Variants in GRIN3A observed in about 807,000 individuals in gnomAD.
GRIN3A encodes glutamate receptor ionotropic, NMDA 3A.
GRIN3A carries 47 observed loss-of-function variants against 92.4 expected under a neutral mutation model. That is an observed-to-expected ratio of 0.51 (90% CI 0.40 to 0.65). The LOEUF (loss-of-function observed/expected upper bound fraction) is 0.65, where lower values mean the gene tolerates loss of function less well. Among genes scored for constraint, GRIN3A ranks in the 30% least tolerant of loss-of-function variants. The probability of loss-of-function intolerance (pLI) is 0.00; values close to 1 mark genes in which losing one functional copy is unlikely to be tolerated. For synonymous variants in GRIN3A, 527 were observed against 540.6 expected, an observed-to-expected ratio of 0.97 and a Z score of 0.35; for missense variants, 1,324 against 1,393.1, an observed-to-expected ratio of 0.95 and a Z score of 0.79.
In GRIN3A at chr9:101,737,418, C is replaced by T. The variant is rs755707019; in HGVS notation, c.562G>A (p.Val188Met). 2 of 1,614,272 alleles carry T rather than the reference C, an allele frequency of 1.2e-6. No individual in the cohort carries two copies. The highest frequency in any genetic ancestry group is 1.6e-4 in the Middle Eastern group (1 of 6,062). Reference sequence around the variant, plus strand: ...AGCGCCGACACCCCTTGCACCACCACGGTATGGCACACACTTTGCAGGAAG... The same window carrying T: ...AGCGCCGACACCCCTTGCACCACCATGGTATGGCACACACTTTGCAGGAAG... ...FSFLQSVCHT[V>M]VVQGVSALLA... The change falls in exon 1 of 9, where the codon GTG becomes ATG. Residue 188 changes from valine (V) to methionine (M), a missense_variant. Val to Met is a conservative substitution (Grantham distance 21). Transcript: ENST00000361820.
At chr9:101,638,570 A>C (rs1170884670) in intron 3 of GRIN3A, among the ~76,000 whole-genome samples, 1 of 152,234 alleles carries the variant, frequency 6.6e-6, no homozygotes, top group Non-Finnish European at 1.5e-5. Context: ...TGCCAACACT[A>C]TTGGTGTTTC....
intron 2 of GRIN3A, among the ~76,000 whole-genome samples, chr9:101,682,958 G>T (rs1196867465): frequency 1.3e-5 from 2 of 152,172 alleles, no homozygotes; most frequent in Non-Finnish European, 2.9e-5. Context: ...CTCCAGCCTG[G>T]GCGACAGAGA....
At chr9:101,600,256 G>C (rs1828194191) in intron 6 of GRIN3A, among the ~76,000 whole-genome samples, 1 of 152,086 alleles carries the variant, frequency 6.6e-6, no homozygotes, top group Non-Finnish European at 1.5e-5. Context: ...CCTACTTTAG[G>C]CTTGCTTAAA....
At chr9:101,671,810 T>C (rs912079849) in intron 2 of GRIN3A, among the ~76,000 whole-genome samples, 2 of 152,058 alleles carry the variant, frequency 1.3e-5, no homozygotes, top group Non-Finnish European at 2.9e-5. Flanking sequence ...CTCCAAGTCA[T>C]TAGAGAGAAA....
chr9:101,701,575 G>A (rs11791232), intron 1 of GRIN3A, among the ~76,000 whole-genome samples: 21,013 of 151,928 alleles, frequency 0.14, 1,638 homozygotes, highest in Admixed American at 0.19. Context: ...AAAACCCTAG[G>A]AAAACAAACA....
intron 3 of GRIN3A, among the ~76,000 whole-genome samples, chr9:101,648,942 T>C (rs188209045): frequency 2.9e-4 from 44 of 152,140 alleles, no homozygotes; most frequent in Middle Eastern, 3.4e-3. Flanking sequence ...TAGTGAGCAC[T>C]GGAACTAAAA....
Position 101,619,330 on chromosome 9 carries a change from C to T in GRIN3A, c.2614+3988G>A, listed in dbSNP as rs543898499. On this transcript the variant is annotated intron_variant, in intron 5 of 8. Coordinates refer to ENST00000361820, the MANE Select transcript of GRIN3A (RefSeq NM_133445.3). ...TATAAAGGTACTATAAAATGGGTTT[C>T]CCTTAGCCTCAGCATATCAAAGTGG... 2.6e-5 allele frequency among the ~76,000 whole-genome samples: 4 copies of T among 152,184 alleles called. 1 individual carries two copies. In the South Asian group the frequency reaches 8.3e-4, roughly 32 times the overall value.
At chr9:101,628,431 T>C in intron 3 of GRIN3A, 30 bp from the exon 4 acceptor site, 1 of 1,601,196 alleles carries the variant, frequency 6.2e-7, no homozygotes, top group Non-Finnish European at 8.6e-7. Context: ...ATGGCTTAAA[T>C]AAAAATTATT....
chr9:101,620,790 C>T (rs1828541932), intron 5 of GRIN3A, among the ~76,000 whole-genome samples: 1 of 151,922 alleles, frequency 6.6e-6, no homozygotes, highest in Non-Finnish European at 1.5e-5. Context: ...TTTTTTATAC[C>T]TATACAGTCT....
At chr9:101,610,498 T>C (rs1438621910) in intron 6 of GRIN3A, among the ~76,000 whole-genome samples, 2 of 152,206 alleles carry the variant, frequency 1.3e-5, no homozygotes, top group Non-Finnish European at 2.9e-5. Context: ...CAACCCATCC[T>C]ATGTTTCTTT....
Position 101,723,341 on chromosome 9 carries a change from G to A in GRIN3A, c.699+13940C>T, listed in dbSNP as rs538359586. Among the ~76,000 whole-genome samples the A allele has an allele frequency of 2.5e-4, 38 of 151,916 alleles. No individual in the cohort carries two copies. In the South Asian group the frequency reaches 7.8e-3, roughly 31 times the overall value. ...TCGCGGTGAGTGTTACAGCTCTTAA[G>A]GCAGCGCGTCTGGAGTTGTTCGTTC... On this transcript the variant is annotated intron_variant, in intron 1 of 8. Transcript: ENST00000361820.
chr9:101,697,687 C>T (rs566219074), intron 1 of GRIN3A, among the ~76,000 whole-genome samples: 43 of 152,268 alleles, frequency 2.8e-4, no homozygotes, highest in Non-Finnish European at 4.7e-4. Context: ...CCAATTAGTG[C>T]ACTTATGACT....
Position 101,670,519 on chromosome 9 carries a change from G to A in GRIN3A, c.1893C>T (p.Ser631=). ...GGCTCCGTGCAGTATTGATGCTAAA[G>A]GAAGTGACTGCCATGTGGGCAGTCC... ...LRGTAHMAVT[S]FSINTARSQV... Residue 631 remains serine (S), a synonymous_variant, in exon 3 of 9, where the codon TCC becomes TCT. Coordinates refer to ENST00000361820, the MANE Select transcript of GRIN3A (RefSeq NM_133445.3). 6.2e-7 allele frequency: 1 copy of A among 1,614,014 alleles called. No homozygotes were observed. Among genetic ancestry groups the A allele is most frequent in the South Asian group, 1.1e-5 (1 of 91,074 alleles).
At chr9:101,577,917 G>A (rs1827846397) in intron 7 of GRIN3A, 73 bp from the exon 8 acceptor site, 1 of 1,062,918 alleles carries the variant, frequency 9.4e-7, no homozygotes, top group Non-Finnish European at 1.5e-6. Context: ...AACCACTTGA[G>A]ATGTAACAGT....
intron 5 of GRIN3A, among the ~76,000 whole-genome samples, chr9:101,621,793 C>G (rs1463915115): frequency 2.6e-5 from 4 of 152,250 alleles, no homozygotes; most frequent in African/African-American, 9.6e-5. Context: ...GAAAATGGAG[C>G]CCCTCATTCT....
intron 2 of GRIN3A, among the ~76,000 whole-genome samples, chr9:101,675,668 T>G (rs1049647010): frequency 4.8e-5 from 4 of 83,956 alleles, no homozygotes; most frequent in African/African-American, 1.6e-4. Context: ...ATAGGAGGGG[T>G]TTTTTTTTTG....
chr9:101,648,489 G>A (rs535285124), intron 3 of GRIN3A, among the ~76,000 whole-genome samples: 2 of 152,064 alleles, frequency 1.3e-5, no homozygotes, highest in African/African-American at 4.8e-5. Context: ...GGTCTAGAGT[G>A]TAATTTAACT....
chr9:101,664,801 T>C (rs1380563594), intron 3 of GRIN3A, among the ~76,000 whole-genome samples: 1 of 152,024 alleles, frequency 6.6e-6, no homozygotes, highest in Non-Finnish European at 1.5e-5. Flanking sequence ...AACAGTTTTA[T>C]TAATTGTGTT....
chr9:101,640,229 G>A (rs550797340), intron 3 of GRIN3A, among the ~76,000 whole-genome samples: 11 of 152,150 alleles, frequency 7.2e-5, no homozygotes, highest in African/African-American at 2.7e-4. Flanking sequence ...CTAATCTAGT[G>A]TTTGCTTATC....
Sources: gnomAD v4.1 joint callset for allele counts (sites outside exome capture counted in the v4.1 genomes callset) on GRCh38, gnomAD v4.1.1 for gene constraint, MANE v1.5 for transcripts, NCBI Gene and HGNC (gene_info 2026-07-23, HGNC 2026-07-21) for gene names.